The following CDKAL1 variants were observed in gnomAD, a reference collection of about 807,000 sequenced individuals.
CDKAL1 encodes the protein CDKAL1 threonylcarbamoyladenosine tRNA methylthiotransferase, also known as threonylcarbamoyladenosine tRNA methylthiotransferase.
A neutral mutation model predicts 68.2 loss-of-function variants in CDKAL1; 32 were observed. That is an observed-to-expected ratio of 0.47 (90% CI 0.35 to 0.63). CDKAL1 has a LOEUF of 0.63. Among genes scored for constraint, CDKAL1 ranks in the 30% least tolerant of loss-of-function variants. The pLI, the probability that CDKAL1 is intolerant of heterozygous loss-of-function variation, is 0.00. For missense variants in CDKAL1, 606 were observed against 696.7 expected, an observed-to-expected ratio of 0.87 and a Z score of 1.47; for synonymous variants, 234 against 244.3, an observed-to-expected ratio of 0.96 and a Z score of 0.39.
chr6:21,159,979 A>G (rs1294824840), intron 13 of CDKAL1, among the ~76,000 whole-genome samples: 3 of 152,202 alleles, frequency 2.0e-5, no homozygotes, highest in South Asian at 2.1e-4. Context: ...TTTTCATATC[A>G]TGTATTTCCA....
At chr6:20,577,111 G>C (rs185171482) in intron 4 of CDKAL1, among the ~76,000 whole-genome samples, 1 of 152,102 alleles carries the variant, frequency 6.6e-6, no homozygotes, top group Non-Finnish European at 1.5e-5. Flanking sequence ...CGTTGTTGGC[G>C]ACCTAACCTT....
At chr6:20,549,701 G>A (rs1340454302) in intron 4 of CDKAL1, among the ~76,000 whole-genome samples, 2 of 151,916 alleles carry the variant, frequency 1.3e-5, no homozygotes, top group African/African-American at 4.8e-5. Flanking sequence ...CTGCCTCCCA[G>A]GTTCAAGCGA....
chr6:21,000,252 C>T lies in CDKAL1; in HGVS notation c.935C>T (p.Pro312Leu), dbSNP rs1767357756. 6.2e-7 allele frequency: 1 copy of T among 1,613,556 alleles called. No homozygotes were observed. Among genetic ancestry groups the T allele is most frequent in the South Asian group, 1.1e-5 (1 of 90,958 alleles). ...GAAATGGCAAAAATCCTTAATCACC[C>T]CAGAGTCTACGCTTTTCTGCACATA... is the stretch of plus-strand genomic sequence containing the variant. ...LEEMAKILNH[P>L]RVYAFLHIPV... is the part of the protein sequence containing the mutation. The change falls in exon 11 of 16, where the codon CCC becomes CTC. Residue 312 changes from proline to leucine, a missense_variant. Pro to Leu is a moderately conservative substitution (Grantham distance 98). Coordinates refer to ENST00000274695, the MANE Select transcript of CDKAL1 (RefSeq NM_017774.3).
intron 4 of CDKAL1, among the ~76,000 whole-genome samples, chr6:20,562,144 G>T (rs1191357322): frequency 6.6e-6 from 1 of 152,062 alleles, no homozygotes; most frequent in Admixed American, 6.6e-5. Flanking sequence ...CTGTGCCCTC[G>T]CAGAGAGATT....
intron 13 of CDKAL1, among the ~76,000 whole-genome samples, chr6:21,170,398 T>C (rs1328073274): frequency 1.3e-5 from 2 of 152,122 alleles, no homozygotes; most frequent in Admixed American, 6.5e-5. Context: ...GCAGTGATCT[T>C]GGCTCACTGC....
At chr6:21,060,416 T>C (rs1388200095) in intron 11 of CDKAL1, among the ~76,000 whole-genome samples, 3 of 152,206 alleles carry the variant, frequency 2.0e-5, no homozygotes, top group Non-Finnish European at 4.4e-5. Flanking sequence ...AAGCTGGTCA[T>C]CTGTATCTTC....
At chr6:21,050,488 C>CT (rs1472706307) in intron 11 of CDKAL1, among the ~76,000 whole-genome samples, 1 of 152,184 alleles carries the variant, frequency 6.6e-6, no homozygotes, top group Non-Finnish European at 1.5e-5. Flanking sequence ...AGTGAAACAG[C>CT]TTTCAGTCAA....
intron 15 of CDKAL1, among the ~76,000 whole-genome samples, chr6:21,222,366 C>T (rs955886068): frequency 7.9e-5 from 12 of 152,102 alleles, no homozygotes; most frequent in African/African-American, 2.2e-4. Context: ...GACAGTATTG[C>T]GCTCTAATTG....
intron 13 of CDKAL1, among the ~76,000 whole-genome samples, chr6:21,139,946 A>G (rs577502644): frequency 2.0e-5 from 3 of 152,334 alleles, no homozygotes; most frequent in Admixed American, 2.0e-4. Context: ...TATTTTCTTC[A>G]CAATCCCTAA....
chr6:20,613,107 G>GT (rs1223017596), intron 4 of CDKAL1, among the ~76,000 whole-genome samples: 2 of 149,612 alleles, frequency 1.3e-5, no homozygotes, highest in East Asian at 3.9e-4. Context: ...CATACATAAT[G>GT]TTTTTTGCTT....
chr6:20,596,399 G>A (rs572286915), intron 4 of CDKAL1, among the ~76,000 whole-genome samples: 93 of 152,310 alleles, frequency 6.1e-4, no homozygotes, highest in Non-Finnish European at 1.2e-3. Context: ...TGGCTACAGC[G>A]GCTTTGCCGA....
intron 13 of CDKAL1, among the ~76,000 whole-genome samples, chr6:21,180,568 A>G (rs1476633458): frequency 6.6e-6 from 1 of 152,144 alleles, no homozygotes; most frequent in African/African-American, 2.4e-5. Context: ...ACCTGAATCA[A>G]TCAGAAATAG....
chr6:21,142,482 C>T (rs113917790), intron 13 of CDKAL1, among the ~76,000 whole-genome samples: 1,939 of 152,258 alleles, frequency 0.013, 18 homozygotes, highest in Non-Finnish European at 0.018. Context: ...AATGTACCCT[C>T]CATTCTGATG....
chr6:20,733,591 C>T (rs1311028246), intron 5 of CDKAL1, among the ~76,000 whole-genome samples: 1 of 152,150 alleles, frequency 6.6e-6, no homozygotes, highest in Non-Finnish European at 1.5e-5. Context: ...TCCATTTGTG[C>T]AAATGAAGGA....
intron 13 of CDKAL1, among the ~76,000 whole-genome samples, chr6:21,162,628 A>G (rs1315556030): frequency 2.0e-5 from 3 of 152,230 alleles, no homozygotes; most frequent in African/African-American, 7.2e-5. Context: ...TGAAGGACCT[A>G]GAAAAAGTCT....
At chr6:20,604,214 T>A (rs886603428) in intron 4 of CDKAL1, among the ~76,000 whole-genome samples, 4 of 152,180 alleles carry the variant, frequency 2.6e-5, no homozygotes, top group African/African-American at 9.7e-5. Flanking sequence ...AGTGGACCCA[T>A]GAAAAGGTGG....
rs1250871269 is a variant in CDKAL1 at position 20,971,240 on chromosome 6, T to C, written c.909+15655T>C. 3.3e-5 allele frequency among the ~76,000 whole-genome samples: 5 copies of C among 152,224 alleles called. No individual in the cohort carries two copies. In the South Asian group the frequency reaches 8.3e-4, roughly 25 times the overall value. On this transcript the variant is annotated intron_variant, in intron 10 of 15. Coordinates refer to ENST00000274695, the MANE Select transcript of CDKAL1 (RefSeq NM_017774.3). The stretch of plus-strand genomic sequence containing the variant: ...CTGATAGATAATTGAGTTCCACAAT[T>C]ACTGTCTTTCATGATGTCAAAGCTG...
At position 21,071,423 on chromosome 6, in the gene CDKAL1, G is replaced by A. The variant is rs565383482; in HGVS notation, c.1236+6195G>A. The stretch of plus-strand genomic sequence containing the variant: ...AATTTCCTGAGGCCTCCCCAGCCAT[G>A]CGGAACTGTGAGCCAATTAAACCTC... On this transcript the variant is annotated intron_variant, in intron 12 of 15. Transcript: ENST00000274695. 3.5e-4 allele frequency among the ~76,000 whole-genome samples: 53 copies of A among 152,240 alleles called. No individual in the cohort carries two copies. The Middle Eastern group carries it at 0.01, about 29-fold the overall frequency.
At chr6:21,224,944 G>A (rs1343771193) in intron 15 of CDKAL1, among the ~76,000 whole-genome samples, 1 of 152,204 alleles carries the variant, frequency 6.6e-6, no homozygotes, top group Non-Finnish European at 1.5e-5. Flanking sequence ...TCATATGGAA[G>A]GGATATTTGC....
Sources: allele counts gnomAD v4.1 joint callset (sites outside exome capture counted in the v4.1 genomes callset), GRCh38; gene constraint gnomAD v4.1.1; transcripts MANE v1.5; gene names NCBI Gene and HGNC (gene_info 2026-07-23, HGNC 2026-07-21).